PRR12: variants seen among roughly 807,000 people sequenced by gnomAD.
PRR12 encodes proline-rich protein 12.
In PRR12, 12 loss-of-function variants were observed where a neutral mutation model predicts 138.0. The ratio of observed to expected loss-of-function variants is 0.09; its 90% CI spans 0.06 to 0.14. PRR12 has a LOEUF of 0.14. PRR12 is among the 10% of genes least tolerant of loss of function. PRR12 has a pLI of 1.00. For synonymous variants in PRR12, 1,567 were observed against 1,291.7 expected, an observed-to-expected ratio of 1.21 and a Z score of -4.57; for missense variants, 2,692 against 2,861.3, an observed-to-expected ratio of 0.94 and a Z score of 1.35.
In PRR12 at chr19:49,591,350, C is replaced by A. The variant is rs1040754129; in HGVS notation, c.-305C>A. Among the ~76,000 whole-genome samples, 3 of 150,168 alleles carry A rather than the reference C, an allele frequency of 2.0e-5. No individual in the cohort carries two copies. The highest frequency in any genetic ancestry group is 6.6e-5 in the Admixed American group (1 of 15,194). On this transcript the variant is annotated 5_prime_UTR_variant, in exon 1 of 14. Transcript: ENST00000418929. Reference sequence around the variant, plus strand: ...CGCCCCCCCTTTTCTCTCGCAAGCGCCGGGGCAAAGGCGGAGACAGCGGGG... The same window carrying A: ...CGCCCCCCCTTTTCTCTCGCAAGCGACGGGGCAAAGGCGGAGACAGCGGGG...
chr19:49,604,578 T>C (rs1002282518), intron 6 of PRR12, among the ~76,000 whole-genome samples: 3 of 151,850 alleles, frequency 2.0e-5, no homozygotes, highest in African/African-American at 7.3e-5. Context: ...CTCAGGAGGT[T>C]GAGGCAGGAG....
intron 6 of PRR12, among the ~76,000 whole-genome samples, chr19:49,602,330 T>C (rs1314904451): frequency 1.3e-5 from 2 of 152,160 alleles, no homozygotes; most frequent in East Asian, 3.8e-4. Flanking sequence ...TGCTTTGCCA[T>C]TTATGGCACA....
At chr19:49,621,643 G>C (rs754405268) in intron 11 of PRR12, 21 bp downstream of exon 11, 2 of 1,546,880 alleles carry the variant, frequency 1.3e-6, no homozygotes, top group African/African-American at 1.4e-5. Context: ...GTCTGGGCAG[G>C]GGGTGTCTGG....
rs114761787 is a variant in PRR12, at chr19:49,595,846, G to C, written c.1511G>C (p.Gly504Ala). 2.0e-5 allele frequency: 32 copies of C among 1,601,420 alleles called. No homozygotes were observed. The highest frequency in any genetic ancestry group is 1.9e-4 in the South Asian group (17 of 90,694). ...AGCTACTCCCCGGACCAGCTGCAGG[G>C]GCAGCTGTATGGGGTGCAGGGCGAG... ...CQSYSPDQLQ[G>A]QLYGVQGEPY... The change falls in exon 4 of 14, where the codon GGG (glycine) becomes GCG (alanine). Residue 504 changes from glycine (G) to alanine (A), a missense_variant. Around this residue, in one of 11 missense-constraint regions of PRR12, gnomAD observed 523 missense variants for 496.4 expected, o/e 1.05. Coordinates refer to ENST00000418929, the MANE Select transcript of PRR12 (RefSeq NM_020719.3).
At chr19:49,622,918 T>C (rs2080931793) in intron 11 of PRR12, among the ~76,000 whole-genome samples, 1 of 83,328 alleles carries the variant, frequency 1.2e-5, no homozygotes, top group Non-Finnish European at 2.5e-5. Flanking sequence ...CATATATATA[T>C]ATATATATAT....
chr19:49,601,708 C>G lies in PRR12; in HGVS notation c.4563C>G (p.Ala1521=). 1 of 1,542,266 alleles carries G rather than the reference C, an allele frequency of 6.5e-7. No individual in the cohort carries two copies. Among genetic ancestry groups the G allele is most frequent in the Non-Finnish European group, 8.7e-7 (1 of 1,146,624 alleles). The change falls in exon 6 of 14, where the codon GCC becomes GCG. Residue 1521 remains alanine, a synonymous_variant. Transcript: ENST00000418929. The part of the protein sequence containing the change: ...SPPPPPPPAA[A]PLAAPPEEPA... ...CACCACCACCCCCACCAGCCGCTGCCCCACTGGCTGCTCCTCCTGAGGAGC... is the reference window on the plus strand; with the variant it reads ...CACCACCACCCCCACCAGCCGCTGCGCCACTGGCTGCTCCTCCTGAGGAGC...
At chr19:49,613,253 T>C (rs1035796190) in intron 6 of PRR12, among the ~76,000 whole-genome samples, 2 of 150,720 alleles carry the variant, frequency 1.3e-5, no homozygotes, top group Non-Finnish European at 2.9e-5. Flanking sequence ...GAGAGTCATT[T>C]GAACCCAGGA....
At chr19:49,615,229 GTGGGGGGACAGAGACCCAGAGA>G (rs930304649) in intron 8 of PRR12, among the ~76,000 whole-genome samples, 1 of 149,346 alleles carries the variant, frequency 6.7e-6, no homozygotes, top group Non-Finnish European at 1.5e-5. Context: ...AGACCCAGAG[GTGGGGGGACAGAGACCCAGAGA>G]TGGGAGAACA....
chr19:49,624,731 C>G, intron 11 of PRR12, 113 bp from the exon 12 acceptor site: 1 of 1,445,512 alleles, frequency 6.9e-7, no homozygotes, highest in South Asian at 1.4e-5. Context: ...CTCTAGTTGT[C>G]TCTCCTGATC....
In PRR12 at chr19:49,596,544, G is replaced by A. The variant is rs372185474; in HGVS notation, c.2209G>A (p.Glu737Lys). Residue 737 changes from glutamate (E) to lysine (K), a missense_variant, in exon 4 of 14, where the codon GAG becomes AAG. Glu to Lys is a moderately conservative substitution (Grantham distance 56). This residue lies in a region of PRR12 where 840 missense variants were observed against 689.8 expected (regional missense o/e 1.22). Transcript: ENST00000418929. The surrounding 1 kb of genome is among the most constrained non-coding windows in gnomAD (Gnocchi z 5.6). ...GAAGAAAGGGCCAGAGCGGGGTGGCGAGACCCCCGAGGGGCTGGCCACCTC... is the reference window on the plus strand; with the variant it reads ...GAAGAAAGGGCCAGAGCGGGGTGGCAAGACCCCCGAGGGGCTGGCCACCTC... ...EKKKGPERGG[E>K]TPEGLATSVV... is the part of the protein sequence containing the mutation. 124 of 1,607,110 alleles carry A rather than the reference G, an allele frequency of 7.7e-5. No individual in the cohort carries two copies. Among genetic ancestry groups the A allele is most frequent in the Admixed American group, 3.0e-4 (18 of 59,298 alleles).
chr19:49,600,633 A>G (rs952141497), intron 5 of PRR12, among the ~76,000 whole-genome samples: 2 of 151,860 alleles, frequency 1.3e-5, no homozygotes, highest in Non-Finnish European at 2.9e-5. Context: ...AGCCTGGGTG[A>G]CAGAGCAAGA....
rs1187155827 is a variant in PRR12 at position 49,597,902 on chromosome 19, G to A, written c.3567G>A (p.Ser1189=). Residue 1189 remains serine (S), a synonymous_variant, in exon 4 of 14, where the codon TCG becomes TCA. Transcript: ENST00000418929. This position sits in a 1 kb window ranked among gnomAD's most constrained non-coding sequence, Gnocchi z 6.3. ...LEVPTTAGPA[S]ASTPTDGAKK... ...TCCCGACCACTGCGGGGCCCGCCTC[G>A]GCCTCCACGCCCACCGATGGCGCCA... 4.2e-6 allele frequency: 6 copies of A among 1,417,344 alleles called. No individual in the cohort carries two copies. The highest frequency in any genetic ancestry group is 1.5e-5 in the African/African-American group (1 of 66,588). 87.8% of individuals were successfully genotyped at this position (1,417,344 alleles called of 1,614,324 possible). A position where few individuals can be genotyped will look rare whatever the true frequency, so the allele number is the denominator to read the frequency against.
Position 49,616,198 on chromosome 19 carries a change from C to T in PRR12, c.5476C>T (p.Pro1826Ser). The T allele has an allele frequency of 3.2e-6, 5 of 1,542,520 alleles. No homozygotes were observed. The highest frequency in any genetic ancestry group is 4.4e-6 in the Non-Finnish European group (5 of 1,143,102). The change falls in exon 9 of 14, where the codon CCT (proline) becomes TCT (serine). Residue 1826 changes from proline to serine, a missense_variant. Pro to Ser is a moderately conservative substitution (Grantham distance 74, BLOSUM62 -1). This residue lies in a region of PRR12 where 259 missense variants were observed against 265.1 expected (regional missense o/e 0.98). Transcript: ENST00000418929. This position sits in a 1 kb window ranked among gnomAD's most constrained non-coding sequence, Gnocchi z 4.2. ...PGSSSDSESS[P>S]GAPSEDERAV... is the part of the protein sequence containing the mutation. The stretch of plus-strand genomic sequence containing the variant: ...CAGCTCCTCGGACTCGGAGTCCTCC[C>T]CTGGAGCCCCCAGCGAGGACGGTGA...
rs1041955572 is a variant in PRR12 at position 49,599,016 on chromosome 19, T to C, written c.3679-256T>C. Among the ~76,000 whole-genome samples the C allele has an allele frequency of 6.6e-6, 1 of 151,906 alleles. No individual in the cohort carries two copies. Among genetic ancestry groups the C allele is most frequent in the African/African-American group, 2.4e-5 (1 of 41,292 alleles). On this transcript the variant is annotated intron_variant, in intron 4 of 13. Transcript: ENST00000418929. This position sits in a 1 kb window ranked among gnomAD's most constrained non-coding sequence, Gnocchi z 5.0. Reference sequence around the variant, plus strand: ...TGGGCATTCAGGGATCCTACATTCCTGGGTCTCATGGGAAGCGGGTCTAGG... The same window carrying C: ...TGGGCATTCAGGGATCCTACATTCCCGGGTCTCATGGGAAGCGGGTCTAGG...
rs747031592 is a variant in PRR12, at chr19:49,599,648, G to A, written c.4055G>A (p.Ser1352Asn). The A allele has an allele frequency of 1.2e-6, 2 of 1,610,638 alleles. No homozygotes were observed. Among genetic ancestry groups the A allele is most frequent in the Non-Finnish European group, 1.7e-6 (2 of 1,177,502 alleles). The stretch of plus-strand genomic sequence containing the variant: ...GGGGGCGCCCTGGAGGCTGCAGAGA[G>A]TGAGGGTCTGGGGCTTGGCTGCCCT... Reference protein sequence around the residue: ...GLGGALEAAESEGLGLGCPSP... With the variant: ...GLGGALEAAENEGLGLGCPSP... The change falls in exon 5 of 14, where the codon AGT becomes AAT. Residue 1352 changes from serine (S) to asparagine (N), a missense_variant. By Grantham distance (46) the Ser-to-Asn change is conservative. Transcript: ENST00000418929. This position sits in a 1 kb window ranked among gnomAD's most constrained non-coding sequence, Gnocchi z 5.0.
Position 49,594,833 on chromosome 19 carries a change from G to A in PRR12, c.498G>A (p.Ser166=), listed in dbSNP as rs749313817. The change falls in exon 4 of 14, where the codon TCG becomes TCA. Residue 166 remains serine (S), a synonymous_variant. Transcript: ENST00000418929. The surrounding 1 kb of genome is among the most constrained non-coding windows in gnomAD (Gnocchi z 5.6). ...SFGSRPFPVP[S]SLSLQDPPFS... is the part of the protein sequence containing the mutation. ...GCAGCCGCCCCTTCCCAGTGCCCTC[G>A]TCCCTCAGCCTCCAGGACCCCCCAT... 7 of 1,611,434 alleles carry A rather than the reference G, an allele frequency of 4.3e-6. No individual in the cohort carries two copies. Among genetic ancestry groups the A allele is most frequent in the African/African-American group, 1.3e-5 (1 of 74,952 alleles).
In PRR12 at chr19:49,601,895, G is replaced by T; in HGVS notation, c.4750G>T (p.Ala1584Ser). 1 of 1,612,098 alleles carries T rather than the reference G, an allele frequency of 6.2e-7. No homozygotes were observed. Among genetic ancestry groups the T allele is most frequent in the Non-Finnish European group, 8.5e-7 (1 of 1,179,804 alleles). Residue 1584 changes from alanine (A) to serine (S), a missense_variant, in exon 6 of 14, where the codon GCT becomes TCT. Physicochemically the swap from Ala to Ser is moderately conservative, Grantham distance 99. Around this residue, in one of 11 missense-constraint regions of PRR12, gnomAD observed 92 missense variants for 174.1 expected, o/e 0.53. Transcript: ENST00000418929. ...FRERDEFVIR[A>S]EDIPSLKLAL... Reference sequence around the variant, plus strand: ...GGAACGGGACGAGTTCGTCATCCGTGCTGAGGACATCCCTTCCCTCAAGGT... The same window carrying T: ...GGAACGGGACGAGTTCGTCATCCGTTCTGAGGACATCCCTTCCCTCAAGGT...
chr19:49,602,017 C>T (rs2080814806), intron 6 of PRR12, 99 bp downstream of exon 6: 28 of 1,426,558 alleles, frequency 2.0e-5, no homozygotes, highest in Non-Finnish European at 2.2e-5. Flanking sequence ...ACCTGCAGAT[C>T]CAGTCGTGGC....
Position 49,597,152 on chromosome 19 carries a change from C to T in PRR12, c.2817C>T (p.Leu939=), listed in dbSNP as rs374504208. 475 of 1,551,936 alleles carry T rather than the reference C, an allele frequency of 3.1e-4. No individual in the cohort carries two copies. The African/African-American group carries it at 6.0e-3, about 19-fold the overall frequency. The change falls in exon 4 of 14, where the codon CTC becomes CTT. Residue 939 remains leucine, a synonymous_variant. Coordinates refer to ENST00000418929, the MANE Select transcript of PRR12 (RefSeq NM_020719.3). This position sits in a 1 kb window ranked among gnomAD's most constrained non-coding sequence, Gnocchi z 6.3. ...LTSICFPDSL[L]QDEERSFFPT... ...CCATCTGCTTCCCTGACTCCTTGCT[C>T]CAAGACGAGGAGCGCAGCTTCTTCC...
Sources: gnomAD v4.1 joint callset for allele counts (sites outside exome capture counted in the v4.1 genomes callset) on GRCh38, gnomAD v4.1.1 for gene constraint, gnomAD v4.1.1 regional missense constraint, Gnocchi (gnomAD v3.1) non-coding constraint, MANE v1.5 for transcripts, NCBI Gene and HGNC (gene_info 2026-07-23, HGNC 2026-07-21) for gene names.